Variants in ADAMTS3 observed in about 807,000 individuals in gnomAD.
ADAMTS3 encodes A disintegrin and metalloproteinase with thrombospondin motifs 3.
In ADAMTS3, 73 loss-of-function variants were observed where a neutral mutation model predicts 129.0. The observed-to-expected ratio is 0.57, with a 90% CI of 0.47 to 0.69. ADAMTS3 has a LOEUF of 0.69. Among genes scored for constraint, ADAMTS3 ranks in the 30% least tolerant of loss-of-function variants. The pLI, the probability that ADAMTS3 is intolerant of heterozygous loss-of-function variation, is 0.00. For synonymous variants in ADAMTS3, 477 were observed against 510.8 expected (o/e 0.93, Z 0.89); for missense variants, 1,457 against 1,514.5 (o/e 0.96, Z 0.63).
At chr4:72,390,671 C>T (rs1023348824) in intron 4 of ADAMTS3, among the ~76,000 whole-genome samples, 13 of 152,122 alleles carry the variant, frequency 8.5e-5, no homozygotes, top group East Asian at 5.8e-4. Context: ...GTATGTTTCT[C>T]CTGTGAATTA....
intron 4 of ADAMTS3, among the ~76,000 whole-genome samples, chr4:72,414,129 A>T (rs1722247626): frequency 6.7e-6 from 1 of 148,692 alleles, no homozygotes; most frequent in Admixed American, 6.7e-5. Context: ...AGATTTGGTT[A>T]AAAAAAAAAT....
intron 13 of ADAMTS3, 143 bp from the exon 14 acceptor site, chr4:72,311,324 G>A: frequency 1.3e-6 from 1 of 741,600 alleles, no homozygotes; most frequent in Non-Finnish European, 2.0e-6. Flanking sequence ...AAAATAAGGA[G>A]TAAGGAGGAA....
At chr4:72,372,268 A>C (rs1251412539) in intron 4 of ADAMTS3, among the ~76,000 whole-genome samples, 1 of 152,128 alleles carries the variant, frequency 6.6e-6, no homozygotes, top group Non-Finnish European at 1.5e-5. Context: ...TAGAAGCATA[A>C]AGAATAAAAA....
intron 9 of ADAMTS3, among the ~76,000 whole-genome samples, chr4:72,319,067 T>C (rs1054429239): frequency 6.6e-6 from 1 of 152,172 alleles, no homozygotes; most frequent in African/African-American, 2.4e-5. Context: ...TCCTCAAGTT[T>C]GACCATTAAT....
At chr4:72,391,498 T>C (rs917728577) in intron 4 of ADAMTS3, among the ~76,000 whole-genome samples, 20 of 152,114 alleles carry the variant, frequency 1.3e-4, no homozygotes, top group African/African-American at 4.6e-4. Flanking sequence ...TGAAAGCCCT[T>C]GTGAGTCAGG....
At chr4:72,558,647 T>C (rs1721826905) in intron 2 of ADAMTS3, among the ~76,000 whole-genome samples, 1 of 151,692 alleles carries the variant, frequency 6.6e-6, no homozygotes, top group East Asian at 1.9e-4. Context: ...ACAGCCACTA[T>C]CTCCCACCCA....
chr4:72,295,701 C>A lies in ADAMTS3; in HGVS notation c.2676G>T (p.Pro892=). ...HRSFCEANKK[P]KPIRRMCNIQ... ...TATTGCACATTCGTCTAATAGGTTT[C>A]GGCTTTTTGTTGGCCTCACAGAAGC... The change falls in exon 19 of 22, where the codon CCG becomes CCT. Residue 892 remains proline (P), a synonymous_variant. Coordinates refer to ENST00000286657, the MANE Select transcript of ADAMTS3 (RefSeq NM_014243.3). 3.1e-6 allele frequency: 5 copies of A among 1,612,992 alleles called. No homozygotes were observed. The highest frequency in any genetic ancestry group is 1.1e-5 in the South Asian group (1 of 91,048).
chr4:72,415,200 T>A (rs1163157513), intron 3 of ADAMTS3, among the ~76,000 whole-genome samples: 3 of 151,986 alleles, frequency 2.0e-5, no homozygotes, highest in African/African-American at 4.8e-5. Flanking sequence ...TATTACGGAA[T>A]ACAAAATTTA....
intron 3 of ADAMTS3, among the ~76,000 whole-genome samples, chr4:72,547,888 A>G (rs1484407236): frequency 6.6e-6 from 1 of 152,092 alleles, no homozygotes; most frequent in Non-Finnish European, 1.5e-5. Context: ...TTAACCCTCA[A>G]CCACAAAACT....
intron 3 of ADAMTS3, among the ~76,000 whole-genome samples, chr4:72,537,400 C>T (rs896508853): frequency 6.6e-6 from 1 of 151,272 alleles, no homozygotes; most frequent in Non-Finnish European, 1.5e-5. Flanking sequence ...ATAGAGATAG[C>T]TTTTTTTTTC....
intron 3 of ADAMTS3, among the ~76,000 whole-genome samples, chr4:72,420,198 T>A (rs1578664024): frequency 6.6e-6 from 1 of 152,238 alleles, no homozygotes; most frequent in East Asian, 1.9e-4. Flanking sequence ...CATCTCAGCA[T>A]CACTGCCTTC....
At chr4:72,312,207 A>AAG in intron 13 of ADAMTS3, 84 bp downstream of exon 13, 2 of 1,469,264 alleles carry the variant, frequency 1.4e-6, no homozygotes, top group South Asian at 2.4e-5. Flanking sequence ...CATAGGGATC[A>AAG]AGAGTCCATG....
At chr4:72,423,748 G>T (rs1722502693) in intron 3 of ADAMTS3, among the ~76,000 whole-genome samples, 1 of 152,076 alleles carries the variant, frequency 6.6e-6, no homozygotes, top group Admixed American at 6.6e-5. Flanking sequence ...AGGTAAAGTG[G>T]TTGAGAAGGG....
Position 72,525,962 on chromosome 4 carries a change from A to C in ADAMTS3, c.504+22516T>G, listed in dbSNP as rs975467516. Among the ~76,000 whole-genome samples, 3 of 152,162 alleles carry C rather than the reference A, an allele frequency of 2.0e-5. No homozygotes were observed. In the South Asian group the frequency reaches 6.2e-4, roughly 31 times the overall value. ...CAAATCAAATTCCCCCTTAAGAAAA[A>C]CAAGGGGGTAGAGAGGGGCCAATGA... On this transcript the variant is annotated intron_variant, in intron 3 of 21. Coordinates refer to ENST00000286657, the MANE Select transcript of ADAMTS3 (RefSeq NM_014243.3).
intron 18 of ADAMTS3, among the ~76,000 whole-genome samples, chr4:72,297,723 A>G (rs1306019760): frequency 6.6e-6 from 1 of 152,166 alleles, no homozygotes; most frequent in Non-Finnish European, 1.5e-5. Flanking sequence ...CTGGGCAATT[A>G]TCTTCTGTGT....
chr4:72,496,245 T>A (rs1443820723), intron 3 of ADAMTS3, among the ~76,000 whole-genome samples: 1 of 152,174 alleles, frequency 6.6e-6, no homozygotes, highest in Non-Finnish European at 1.5e-5. Flanking sequence ...CTTGTGTGGT[T>A]TTCTAGTCAT....
intron 4 of ADAMTS3, among the ~76,000 whole-genome samples, chr4:72,391,346 G>A (rs1399407926): frequency 2.6e-5 from 4 of 152,176 alleles, no homozygotes; most frequent in Non-Finnish European, 5.9e-5. Flanking sequence ...GTTGAGAGAT[G>A]GAGAAGAACA....
intron 14 of ADAMTS3, 36 bp from the exon 15 acceptor site, chr4:72,309,556 G>A: frequency 6.2e-7 from 1 of 1,608,150 alleles, no homozygotes; most frequent in Non-Finnish European, 8.5e-7. Flanking sequence ...GCTAATTTTA[G>A]TGTGCCCAGT....
At chr4:72,294,024 A>G (rs1305844861) in intron 19 of ADAMTS3, among the ~76,000 whole-genome samples, 4 of 152,122 alleles carry the variant, frequency 2.6e-5, no homozygotes, top group Non-Finnish European at 5.9e-5. Flanking sequence ...AGAAAGAAAG[A>G]ACACTGAGGA....
Sources: allele counts gnomAD v4.1 joint callset (sites outside exome capture counted in the v4.1 genomes callset), GRCh38; gene constraint gnomAD v4.1.1; transcripts MANE v1.5; gene names NCBI Gene and HGNC (gene_info 2026-07-23, HGNC 2026-07-21).